Variants in PIBF1 observed in about 807,000 individuals in gnomAD.
PIBF1 encodes the protein progesterone-induced-blocking factor 1.
A neutral mutation model predicts 112.5 loss-of-function variants in PIBF1; 90 were observed. The observed-to-expected ratio is 0.80, with a 90% CI of 0.67 to 0.95. The LOEUF is 0.95. Among genes scored for constraint, PIBF1 ranks in the 40% least tolerant of loss-of-function variants. The pLI is 0.00. For missense variants in PIBF1, 915 were observed against 852.3 expected (o/e 1.07, Z -0.92); for synonymous variants, 301 against 288.6 (o/e 1.04, Z -0.44).
At chr13:72,805,278 G>A (rs906521906) in intron 5 of PIBF1, among the ~76,000 whole-genome samples, 3 of 152,190 alleles carry the variant, frequency 2.0e-5, no homozygotes, top group Admixed American at 6.5e-5. Context: ...GAGTAGCTGG[G>A]ACTACAGGCA....
intron 15 of PIBF1, among the ~76,000 whole-genome samples, chr13:72,968,634 A>G (rs2042812516): frequency 6.6e-6 from 1 of 152,034 alleles, no homozygotes; most frequent in East Asian, 1.9e-4. Context: ...GTTACTGAGG[A>G]ACTAAATTTT....
chr13:72,958,976 C>T (rs535855705), intron 14 of PIBF1, among the ~76,000 whole-genome samples: 1 of 152,072 alleles, frequency 6.6e-6, no homozygotes, highest in Non-Finnish European at 1.5e-5. Flanking sequence ...TAGTAGGACC[C>T]AAAAATCACT....
In PIBF1 at chr13:72,907,586, GC is replaced by G. The variant is rs1262511717; in HGVS notation, c.1489-943del. ...TTCTTTCAACAGTGTTTTAAGGTAG[GC>G]CTATAAAGAATAAGTAATTGCCTAA... On this transcript the variant is annotated intron_variant, in intron 11 of 17. Transcript: ENST00000326291. Among the ~76,000 whole-genome samples, 3 of 151,994 alleles carry G rather than the reference GC, an allele frequency of 2.0e-5. No individual in the cohort carries two copies. The East Asian group carries it at 5.8e-4, about 29-fold the overall frequency.
chr13:72,844,789 A>ACGCG (rs1240167613), intron 9 of PIBF1, among the ~76,000 whole-genome samples: 2 of 119,562 alleles, frequency 1.7e-5, no homozygotes, highest in African/African-American at 7.6e-5. Context: ...ACACACACAC[A>ACGCG]CACACACACA....
At chr13:72,851,614 A>G (rs1407740703) in intron 9 of PIBF1, among the ~76,000 whole-genome samples, 2 of 152,210 alleles carry the variant, frequency 1.3e-5, no homozygotes, top group Non-Finnish European at 2.9e-5. Flanking sequence ...TTCTGGGCGG[A>G]AAGGGGTGGG....
In PIBF1 at chr13:72,883,706, T is replaced by G. The variant is rs553471049; in HGVS notation, c.1323-10078T>G. Among the ~76,000 whole-genome samples, 1,028 of 152,296 alleles carry G rather than the reference T, an allele frequency of 6.8e-3. 7 individuals are homozygous for G. The highest frequency in any genetic ancestry group is 0.011 in the Non-Finnish European group (752 of 68,016). On this transcript the variant is annotated intron_variant, in intron 10 of 17. Coordinates refer to ENST00000326291, the MANE Select transcript of PIBF1 (RefSeq NM_006346.4). The stretch of plus-strand genomic sequence containing the variant: ...TTTCACCATTTTGACCAGGCTGGCC[T>G]CAAACTCCTGACCTCAAATAATCCG...
At chr13:72,797,245 T>C (rs2035241980) in intron 4 of PIBF1, among the ~76,000 whole-genome samples, 2 of 152,300 alleles carry the variant, frequency 1.3e-5, no homozygotes, top group South Asian at 4.2e-4. Flanking sequence ...ACTTTACCTC[T>C]TCATCAAGTA....
In PIBF1 at chr13:72,893,926, GA is replaced by G. The variant is rs1157766846; in HGVS notation, c.1470del (p.Lys490AsnfsTer9). 1.3e-6 allele frequency: 2 copies of G among 1,599,824 alleles called. No individual in the cohort carries two copies. The highest frequency in any genetic ancestry group is 1.7e-6 in the Non-Finnish European group (2 of 1,173,870). On this transcript the variant is annotated frameshift_variant, in exon 11 of 18. Coordinates refer to ENST00000326291, the MANE Select transcript of PIBF1 (RefSeq NM_006346.4). LOFTEE classifies it high-confidence loss of function. ...TCTCACACAGTGTCAATTGGAATGT[GA>G]AAAATATCAGAAAAAATTGGAGGTA... ...RNLTQCQLEC[E>X]KYQKKLEVLT...
At chr13:72,903,235 T>A (rs910305374) in intron 11 of PIBF1, among the ~76,000 whole-genome samples, 1 of 152,100 alleles carries the variant, frequency 6.6e-6, no homozygotes, top group Non-Finnish European at 1.5e-5. Flanking sequence ...CTATAAATGG[T>A]ATAATTATGG....
chr13:72,913,654 A>T (rs945260329), intron 12 of PIBF1, among the ~76,000 whole-genome samples: 3 of 151,822 alleles, frequency 2.0e-5, no homozygotes, highest in African/African-American at 7.3e-5. Context: ...TGCCAGCTAC[A>T]TGGGAGGGTG....
intron 12 of PIBF1, among the ~76,000 whole-genome samples, chr13:72,910,026 G>A (rs2040843354): frequency 6.6e-6 from 1 of 152,080 alleles, no homozygotes; most frequent in African/African-American, 2.4e-5. Flanking sequence ...ATAAAAATGG[G>A]TTTAAACTTC....
rs962131362 is a variant in PIBF1 at position 72,782,229 on chromosome 13, C to T, written c.-168C>T. ...GTTACGGGTCCTAACGGTCCCCTGC[C>T]TTGAAATCCCTTGTTGAGGGCCTGC... is the stretch of plus-strand genomic sequence containing the variant. On this transcript the variant is annotated 5_prime_UTR_variant, in exon 1 of 18. Coordinates refer to ENST00000326291, the MANE Select transcript of PIBF1 (RefSeq NM_006346.4). 5.3e-6 allele frequency: 1 copy of T among 189,728 alleles called. No individual in the cohort carries two copies. Among genetic ancestry groups the T allele is most frequent in the African/African-American group, 2.3e-5 (1 of 42,974 alleles). The allele number at this position is 189,728 out of a possible 1,614,324, so 11.8% of individuals were successfully genotyped here.
At chr13:72,827,618 A>G in intron 7 of PIBF1, 115 bp from the exon 8 acceptor site, 2 of 616,440 alleles carry the variant, frequency 3.2e-6, no homozygotes, top group Non-Finnish European at 5.2e-6. Flanking sequence ...AGCCCTTTTT[A>G]AAAGGAAAAT....
chr13:73,001,514 A>C (rs55923907), intron 17 of PIBF1, among the ~76,000 whole-genome samples: 1 of 149,172 alleles, frequency 6.7e-6, no homozygotes, highest in Non-Finnish European at 1.5e-5. Flanking sequence ...GCCACACAAA[A>C]CTACTGTTAA....
chr13:72,877,509 C>A (rs1302624850), intron 10 of PIBF1, among the ~76,000 whole-genome samples: 1 of 152,066 alleles, frequency 6.6e-6, no homozygotes, highest in Non-Finnish European at 1.5e-5. Context: ...CCCATCTGGG[C>A]CTGTCCTTCT....
chr13:72,961,034 C>CTT (rs781086818), intron 14 of PIBF1, among the ~76,000 whole-genome samples: 1 of 137,752 alleles, frequency 7.3e-6, no homozygotes, highest in African/African-American at 2.8e-5. Context: ...TCATTTCCTT[C>CTT]TTTTTTTTTT....
chr13:72,967,047 T>C (rs1033533097), intron 15 of PIBF1, among the ~76,000 whole-genome samples: 1 of 151,928 alleles, frequency 6.6e-6, no homozygotes, highest in Non-Finnish European at 1.5e-5. Flanking sequence ...GTGATTCTCC[T>C]GCCTCAGCCT....
At chr13:72,806,530 C>T (rs1446820614) in intron 5 of PIBF1, among the ~76,000 whole-genome samples, 1 of 152,066 alleles carries the variant, frequency 6.6e-6, no homozygotes, top group Non-Finnish European at 1.5e-5. Flanking sequence ...CCTAGTCCCC[C>T]ACCCCCTGAT....
intron 8 of PIBF1, among the ~76,000 whole-genome samples, chr13:72,833,959 G>GT (rs1432835551): frequency 1.3e-5 from 2 of 151,890 alleles, no homozygotes; most frequent in Non-Finnish European, 2.9e-5. Flanking sequence ...AGACACTGTG[G>GT]TTTTTTTCAG....
Sources: gnomAD v4.1 joint callset for allele counts (sites outside exome capture counted in the v4.1 genomes callset) on GRCh38, gnomAD v4.1.1 for gene constraint, MANE v1.5 for transcripts, NCBI Gene and HGNC (gene_info 2026-07-23, HGNC 2026-07-21) for gene names.